WNK3: variants seen among roughly 807,000 people sequenced by gnomAD.
WNK3 encodes WNK lysine deficient protein kinase 3.
A neutral mutation model predicts 116.7 loss-of-function variants in WNK3; 18 were observed. The ratio of observed to expected loss-of-function variants is 0.15; its 90% CI spans 0.11 to 0.23. WNK3 has a LOEUF of 0.23. Among genes scored for constraint, WNK3 ranks in the 10% least tolerant of loss-of-function variants. WNK3 has a pLI of 1.00. For synonymous variants in WNK3, 404 were observed against 469.4 expected (o/e 0.86, Z 1.80); for missense variants, 993 against 1,323.8 (o/e 0.75, Z 3.88).
At chrX:54,226,380 G>A (rs1254847416) in intron 22 of WNK3, among the ~76,000 whole-genome samples, 1 of 102,951 alleles carries the variant, frequency 9.7e-6, no homozygotes, top group Non-Finnish European at 2.0e-5. Flanking sequence ...TGAGGCAGGA[G>A]AATCGCTTGA....
At chrX:54,242,870 T>A (rs1557151895) in intron 17 of WNK3, among the ~76,000 whole-genome samples, 2 of 112,033 alleles carry the variant, frequency 1.8e-5, no homozygotes, top group Admixed American at 9.5e-5. Flanking sequence ...TTTTGTGCGT[T>A]AAAGGATACC....
intron 21 of WNK3, among the ~76,000 whole-genome samples, chrX:54,232,216 A>G (rs996261732): frequency 4.6e-4 from 50 of 108,501 alleles, no homozygotes; most frequent in African/African-American, 1.6e-3. Context: ...ATCTCGGCTC[A>G]CTGCAACCTC....
chrX:54,226,868 A>G (rs1411720275), intron 22 of WNK3, among the ~76,000 whole-genome samples: 3 of 111,793 alleles, frequency 2.7e-5, no homozygotes, highest in African/African-American at 9.7e-5. Flanking sequence ...CAAACAAACA[A>G]AAGAAATTAT....
chrX:54,333,078 CAGA>C (rs1203815433), intron 2 of WNK3, 56 bp downstream of exon 2: 2 of 859,766 alleles, frequency 2.3e-6, no homozygotes, highest in Admixed American at 6.1e-5. Flanking sequence ...ATGAATCACA[CAGA>C]AGGCCAGGCC....
chrX:54,330,484 G>A (rs1297442910), intron 2 of WNK3, among the ~76,000 whole-genome samples: 1 of 111,877 alleles, frequency 8.9e-6, no homozygotes, highest in Admixed American at 9.6e-5. Context: ...TTGAGCCCAG[G>A]ACGTTAAGGC....
rs782461541 is a variant in WNK3, at chrX:54,237,397, G to C, written c.4169C>G (p.Pro1390Arg). The change falls in exon 20 of 24, where the codon CCA becomes CGA. Residue 1390 changes from proline (P) to arginine (R), a missense_variant. By Grantham distance (103) the Pro-to-Arg change is moderately radical. Around this residue, in one of 4 missense-constraint regions of WNK3, gnomAD observed 836 missense variants for 976.5 expected, o/e 0.86. Coordinates refer to ENST00000354646, the Ensembl canonical transcript of WNK3. ...CTTCTCATAAGAAAACGAAGTTTTTGGATTTTGTGTGGCAGGTTCTATTTC... is the reference window on the plus strand; with the variant it reads ...CTTCTCATAAGAAAACGAAGTTTTTCGATTTTGTGTGGCAGGTTCTATTTC... 18 of 1,207,547 alleles carry C rather than the reference G, an allele frequency of 1.5e-5. No homozygotes were observed. The African/African-American group carries it at 3.2e-4, about 21-fold the overall frequency.
intron 11 of WNK3, among the ~76,000 whole-genome samples, chrX:54,256,179 T>A (rs186927589): frequency 3.4e-4 from 38 of 111,924 alleles, no homozygotes; most frequent in Non-Finnish European, 5.5e-4. Context: ...CTCACAGTGA[T>A]GAGAATGAAA....
At chrX:54,235,393 C>T (rs1381253526) in intron 20 of WNK3, among the ~76,000 whole-genome samples, 3 of 112,122 alleles carry the variant, frequency 2.7e-5, no homozygotes, top group African/African-American at 9.7e-5. Flanking sequence ...TCAAGCAATT[C>T]TCCCTGCCTC....
chrX:54,254,898 G>A (rs782253599), intron 12 of WNK3, among the ~76,000 whole-genome samples: 5 of 111,448 alleles, frequency 4.5e-5, no homozygotes, highest in African/African-American at 1.6e-4. Context: ...TTAGAGATAC[G>A]GGCTTTAAAG....
exon 18 of WNK3, chrX:54,239,084 C>A: frequency 8.8e-7 from 1 of 1,136,016 alleles, no homozygotes; most frequent in Non-Finnish European, 1.2e-6. Context: ...GGAAGTGAAG[C>A]ATCTGAGGAC....
intron 10 of WNK3, among the ~76,000 whole-genome samples, chrX:54,264,234 G>A (rs895597463): frequency 9.2e-6 from 1 of 109,123 alleles, no homozygotes; most frequent in Non-Finnish European, 1.9e-5. Context: ...TTGGGAGGCT[G>A]AGGCACGGGA....
chrX:54,236,284 ATT>A (rs781861921), intron 20 of WNK3, among the ~76,000 whole-genome samples: 19 of 87,713 alleles, frequency 2.2e-4, no homozygotes, highest in Non-Finnish European at 1.8e-4. Flanking sequence ...TAAGTTTTGT[ATT>A]TTTTTTTTTT....
At chrX:54,250,252 G>T in intron 15 of WNK3, 121 bp from the exon 16 acceptor site, 2 of 676,849 alleles carry the variant, frequency 3.0e-6, no homozygotes, top group Admixed American at 4.6e-5. Flanking sequence ...AATAGTACTA[G>T]AATATATGTA....
chrX:54,253,324 G>C (rs1237864003), intron 13 of WNK3, among the ~76,000 whole-genome samples: 1 of 111,423 alleles, frequency 9.0e-6, no homozygotes, highest in Non-Finnish European at 1.9e-5. Flanking sequence ...GGAATGCAGT[G>C]GCATGATCAT....
At chrX:54,284,587 A>C (rs980109191) in intron 10 of WNK3, among the ~76,000 whole-genome samples, 6 of 112,452 alleles carry the variant, frequency 5.3e-5, no homozygotes, top group Non-Finnish European at 9.4e-5. Context: ...ACAATAGCCC[A>C]AAACCAGAAA....
chrX:54,356,513 T>C (rs2069595860), intron 1 of WNK3, among the ~76,000 whole-genome samples: 1 of 111,281 alleles, frequency 9.0e-6, no homozygotes, highest in Non-Finnish European at 1.9e-5. Context: ...TAATGCAAGG[T>C]ATCTTTCCCT....
At chrX:54,289,291 T>G (rs1358700628) in intron 10 of WNK3, among the ~76,000 whole-genome samples, 1 of 110,906 alleles carries the variant, frequency 9.0e-6, no homozygotes, top group Admixed American at 9.7e-5. Flanking sequence ...AGGCTGTTTA[T>G]GTAGTGGAGC....
At chrX:54,243,103 A>G (rs1420151580) in intron 17 of WNK3, among the ~76,000 whole-genome samples, 2 of 109,164 alleles carry the variant, frequency 1.8e-5, no homozygotes, top group African/African-American at 6.6e-5. Context: ...TTGAGCCACC[A>G]TGCCCAGCCA....
chrX:54,257,182 G>C (rs1475270353), intron 11 of WNK3, among the ~76,000 whole-genome samples: 1 of 110,966 alleles, frequency 9.0e-6, no homozygotes, highest in East Asian at 2.8e-4. Context: ...GGCAAAGGCA[G>C]CCCAAGCACA....
Sources: gnomAD v4.1 joint callset for allele counts (sites outside exome capture counted in the v4.1 genomes callset) on GRCh38, gnomAD v4.1.1 for gene constraint, gnomAD v4.1.1 regional missense constraint, MANE v1.5 for transcripts, NCBI Gene and HGNC (gene_info 2026-07-23, HGNC 2026-07-21) for gene names.